NAT1: variants seen among roughly 807,000 people sequenced by gnomAD.
NAT1 encodes arylamine N-acetyltransferase 1.
For missense variants in NAT1, 400 were observed against 339.2 expected (o/e 1.18, Z -1.41); for synonymous variants, 144 against 122.6 (o/e 1.17, Z -1.16).
chr8:18,208,183 T>C (rs1312573191), upstream of NAT1, among the ~76,000 whole-genome samples: 3 of 152,012 alleles, frequency 2.0e-5, no homozygotes, highest in Non-Finnish European at 4.4e-5. Context: ...ATGGGCTTAA[T>C]ACTTAGATGA....
At chr8:18,178,269 A>G (rs908941170) in intron 2 of NAT1, among the ~76,000 whole-genome samples, 6 of 151,740 alleles carry the variant, frequency 4.0e-5, no homozygotes, top group African/African-American at 4.9e-5. Context: ...ACAGAAAATA[A>G]TCAGTGGTGA....
intron 2 of NAT1, among the ~76,000 whole-genome samples, chr8:18,173,177 C>CA (rs1554466045): frequency 1.3e-5 from 2 of 150,076 alleles, no homozygotes; most frequent in Non-Finnish European, 3.0e-5. Context: ...CACACACACA[C>CA]AATGATCATG....
chr8:18,220,523 A>G (rs184105708), intron 2 of NAT1, among the ~76,000 whole-genome samples: 313 of 152,178 alleles, frequency 2.1e-3, no homozygotes, highest in Non-Finnish European at 3.7e-3. Flanking sequence ...AGGTTTAAAA[A>G]ACCTTTTCTA....
intron 2 of NAT1, among the ~76,000 whole-genome samples, chr8:18,196,235 C>T (rs928691444): frequency 5.3e-5 from 8 of 151,930 alleles, no homozygotes; most frequent in African/African-American, 1.9e-4. Context: ...CAGGCGTGAG[C>T]CACCACACCC....
chr8:18,201,552 A>C, intron 2 of NAT1, among the ~76,000 whole-genome samples: 1 of 152,182 alleles, frequency 6.6e-6, no homozygotes, highest in East Asian at 1.9e-4. Context: ...AAAAAAAGAA[A>C]AAAGAAAAGG....
At chr8:18,198,466 G>A (rs1413218177) in intron 2 of NAT1, among the ~76,000 whole-genome samples, 1 of 152,130 alleles carries the variant, frequency 6.6e-6, no homozygotes, top group Non-Finnish European at 1.5e-5. Context: ...TTCCTAAAGG[G>A]AGTATCAAGA....
intron 2 of NAT1, among the ~76,000 whole-genome samples, chr8:18,193,631 C>CTTTTTTTTTT (rs796247875): frequency 3.5e-5 from 2 of 57,550 alleles, no homozygotes; most frequent in East Asian, 5.7e-4. Context: ...TGTAAACCTG[C>CTTTTTTTTTT]TTTTTTTTTT....
chr8:18,187,164 G>A lies in NAT1; in HGVS notation n.92+16425G>A, dbSNP rs189171407. Among the ~76,000 whole-genome samples, 275 of 152,150 alleles carry A rather than the reference G, an allele frequency of 1.8e-3. 1 individual carries two copies. The highest frequency in any genetic ancestry group is 1.4e-3 in the Non-Finnish European group (95 of 68,010). On this transcript the variant is annotated intron_variant and non_coding_transcript_variant, in intron 2 of 4. Coordinates refer to the NAT1 transcript ENST00000517441. The stretch of plus-strand genomic sequence containing the variant: ...CCACAATGATATACCATCTGACACC[G>A]GTCACTGTGGTTATTATTAAAACAT...
At chr8:18,216,545 A>G (rs1301179893) in intron 1 of NAT1, among the ~76,000 whole-genome samples, 1 of 152,152 alleles carries the variant, frequency 6.6e-6, no homozygotes, top group Non-Finnish European at 1.5e-5. Flanking sequence ...CCATTTTCTC[A>G]TCTTCAATAA....
chr8:18,198,490 T>C (rs1411199397), intron 2 of NAT1, among the ~76,000 whole-genome samples: 1 of 152,190 alleles, frequency 6.6e-6, no homozygotes, highest in South Asian at 2.1e-4. Flanking sequence ...CTCAGTAGTG[T>C]TGAGGTTAAA....
intron 2 of NAT1, among the ~76,000 whole-genome samples, chr8:18,181,447 C>T (rs1802514146): frequency 6.6e-6 from 1 of 152,090 alleles, no homozygotes; most frequent in Admixed American, 6.5e-5. Context: ...GTGAATTTAT[C>T]AATTTGAACA....
chr8:18,217,210 G>T (rs1804766364), intron 1 of NAT1, among the ~76,000 whole-genome samples: 1 of 152,216 alleles, frequency 6.6e-6, no homozygotes, highest in Non-Finnish European at 1.5e-5. Context: ...TTGGTATCCA[G>T]TTTCTACAAC....
intron 2 of NAT1, among the ~76,000 whole-genome samples, chr8:18,174,736 G>C (rs1401538849): frequency 6.6e-6 from 1 of 151,960 alleles, no homozygotes; most frequent in African/African-American, 2.4e-5. Context: ...GTAAGGAGTC[G>C]GGAAACCCAG....
intron 2 of NAT1, among the ~76,000 whole-genome samples, chr8:18,178,617 A>T (rs1162061162): frequency 6.6e-6 from 1 of 152,158 alleles, no homozygotes; most frequent in Non-Finnish European, 1.5e-5. Context: ...AGTGAAAATT[A>T]TCACTGTTCT....
At chr8:18,195,841 T>G (rs1803206568) in intron 2 of NAT1, among the ~76,000 whole-genome samples, 1 of 151,870 alleles carries the variant, frequency 6.6e-6, no homozygotes, top group African/African-American at 2.4e-5. Flanking sequence ...TTCTACCTGA[T>G]GGGGATCAGA....
chr8:18,206,882 C>T (rs1373386060), upstream of NAT1, among the ~76,000 whole-genome samples: 1 of 151,812 alleles, frequency 6.6e-6, no homozygotes, highest in Non-Finnish European at 1.5e-5. Context: ...TTAATTAGAC[C>T]CCATTTGTCA....
chr8:18,201,502 T>C (rs1485587396), intron 2 of NAT1, among the ~76,000 whole-genome samples: 3 of 151,594 alleles, frequency 2.0e-5, no homozygotes, highest in Non-Finnish European at 4.4e-5. Context: ...CTGGTAGCAA[T>C]ATTAACTGAG....
chr8:18,206,390 G>A (rs776887859), upstream of NAT1, among the ~76,000 whole-genome samples: 4 of 152,070 alleles, frequency 2.6e-5, no homozygotes, highest in African/African-American at 4.8e-5. Context: ...GCTGTTTTAC[G>A]TGGCTGCATC....
chr8:18,179,412 G>A (rs1802421157), intron 2 of NAT1, among the ~76,000 whole-genome samples: 1 of 152,124 alleles, frequency 6.6e-6, no homozygotes, highest in Non-Finnish European at 1.5e-5. Context: ...CAAATTAGTA[G>A]CATCCTCTTG....
Sources: gnomAD v4.1 joint callset for allele counts (sites outside exome capture counted in the v4.1 genomes callset) on GRCh38, gnomAD v4.1.1 for gene constraint, MANE v1.5 for transcripts, NCBI Gene and HGNC (gene_info 2026-07-23, HGNC 2026-07-21) for gene names.